Variants in MCTP1 observed in about 807,000 individuals in gnomAD.
The protein encoded by MCTP1 is multiple C2 and transmembrane domain-containing protein 1.
A neutral mutation model predicts 120.6 loss-of-function variants in MCTP1; 69 were observed. The observed-to-expected ratio is 0.57, with a 90% CI of 0.47 to 0.70. MCTP1 has a LOEUF of 0.70. Among genes scored for constraint, MCTP1 ranks in the 30% least tolerant of loss-of-function variants. MCTP1 has a pLI of 0.00. For synonymous variants in MCTP1, 529 were observed against 493.1 expected (o/e 1.07, Z -0.96); for missense variants, 1,203 against 1,248.8 (o/e 0.96, Z 0.55).
chr5:95,081,747 C>G, intron 1 of MCTP1: 1 of 1,203,722 alleles, frequency 8.3e-7, no homozygotes, highest in Non-Finnish European at 1.0e-6. Flanking sequence ...CATTGCAAAA[C>G]TGTTAGTACA....
At chr5:95,004,477 G>T (rs1424396719) in intron 2 of MCTP1, among the ~76,000 whole-genome samples, 1 of 152,194 alleles carries the variant, frequency 6.6e-6, no homozygotes, top group African/African-American at 2.4e-5. Flanking sequence ...CGTCTTTGTG[G>T]CAGCCCCTCC....
chr5:95,187,817 G>A (rs1749388435), intron 1 of MCTP1, among the ~76,000 whole-genome samples: 1 of 152,090 alleles, frequency 6.6e-6, no homozygotes, highest in African/African-American at 2.4e-5. Flanking sequence ...GCACAACAGG[G>A]TGACTATAGT....
chr5:95,248,574 C>T (rs191409966), intron 1 of MCTP1, among the ~76,000 whole-genome samples: 14 of 152,124 alleles, frequency 9.2e-5, no homozygotes, highest in South Asian at 8.3e-4. Context: ...GAATCAATAT[C>T]GTAAAAATGG....
At chr5:95,022,929 T>C (rs1163710402) in intron 1 of MCTP1, among the ~76,000 whole-genome samples, 2 of 152,130 alleles carry the variant, frequency 1.3e-5, no homozygotes, top group African/African-American at 2.4e-5. Flanking sequence ...TCAGGAGGCC[T>C]CATAAAGATA....
intron 17 of MCTP1, among the ~76,000 whole-genome samples, chr5:94,816,256 T>C (rs1391733494): frequency 3.3e-5 from 5 of 152,206 alleles, no homozygotes; most frequent in South Asian, 2.1e-4. Flanking sequence ...TATAAATTTA[T>C]ATCATGTGTA....
At chr5:95,218,604 T>C (rs1381197092) in intron 1 of MCTP1, among the ~76,000 whole-genome samples, 1 of 152,238 alleles carries the variant, frequency 6.6e-6, no homozygotes, top group South Asian at 2.1e-4. Flanking sequence ...AGACATGTTC[T>C]CAGGGACTGA....
At chr5:94,805,753 T>C (rs1482411494) in intron 17 of MCTP1, among the ~76,000 whole-genome samples, 2 of 150,690 alleles carry the variant, frequency 1.3e-5, no homozygotes, top group African/African-American at 4.9e-5. Context: ...ACCTTCCTTT[T>C]ACAAAGGAGG....
At chr5:95,094,391 T>A (rs1029336077) in intron 1 of MCTP1, among the ~76,000 whole-genome samples, 3 of 152,256 alleles carry the variant, frequency 2.0e-5, no homozygotes, top group Non-Finnish European at 4.4e-5. Flanking sequence ...ATTTATTGAA[T>A]AAATCAACTG....
intron 1 of MCTP1, among the ~76,000 whole-genome samples, chr5:95,207,327 A>T (rs1299330812): frequency 2.6e-5 from 4 of 152,168 alleles, no homozygotes; most frequent in African/African-American, 9.7e-5. Context: ...TGAGTGTTTG[A>T]TAACCTGCAA....
intron 12 of MCTP1, among the ~76,000 whole-genome samples, chr5:94,886,093 T>A (rs1801273744): frequency 6.6e-6 from 1 of 152,208 alleles, no homozygotes; most frequent in Non-Finnish European, 1.5e-5. Context: ...GGGGCTTAAC[T>A]GAAGTGACCT....
intron 1 of MCTP1, among the ~76,000 whole-genome samples, chr5:95,023,143 G>T (rs1397163250): frequency 6.6e-6 from 1 of 152,168 alleles, no homozygotes; most frequent in Non-Finnish European, 1.5e-5. Flanking sequence ...TGGGCAACAT[G>T]AAACCATCAC....
At chr5:95,046,017 A>T (rs569734752) in intron 1 of MCTP1, among the ~76,000 whole-genome samples, 1 of 152,290 alleles carries the variant, frequency 6.6e-6, no homozygotes, top group South Asian at 2.1e-4. Context: ...TTCATAATTG[A>T]AAGTGCTTAT....
chr5:94,757,876 GCAA>G (rs1467929241), intron 19 of MCTP1, among the ~76,000 whole-genome samples: 1 of 152,190 alleles, frequency 6.6e-6, no homozygotes, highest in Non-Finnish European at 1.5e-5. Flanking sequence ...TTAGAGTAAA[GCAA>G]CAACAACATG....
rs58379749 is a variant in MCTP1 at position 95,041,311 on chromosome 5, GAAAAAAA to G, written c.721-23834_721-23828del. Among the ~76,000 whole-genome samples, 298 of 89,808 alleles carry G rather than the reference GAAAAAAA, an allele frequency of 3.3e-3. 1 individual carries two copies. The highest frequency in any genetic ancestry group is 0.011 in the African/African-American group (280 of 24,398). 58.9% of individuals were successfully genotyped at this position (89,808 alleles called of 152,430 possible). The stretch of plus-strand genomic sequence containing the variant: ...GTCTAATGCCAAAAGCCCATGCTCT[GAAAAAAA>G]AAAAAAAAAAAAAGAAAAAACAAAA... On this transcript the variant is annotated intron_variant, in intron 1 of 22. Transcript: ENST00000515393.
At chr5:95,253,786 G>T (rs73776344) in intron 1 of MCTP1, among the ~76,000 whole-genome samples, 1 of 152,070 alleles carries the variant, frequency 6.6e-6, no homozygotes, top group Non-Finnish European at 1.5e-5. Flanking sequence ...TGGTGGGAAC[G>T]AGTGTGGGAG....
At chr5:94,932,138 G>A (rs141773530) in intron 5 of MCTP1, 147 bp from the exon 6 acceptor site, 56 of 383,276 alleles carry the variant, frequency 1.5e-4, no homozygotes, top group African/African-American at 1.2e-3. Context: ...TGTTTGCCAC[G>A]CACACACAAC....
At chr5:94,761,910 G>C (rs1771440631) in intron 19 of MCTP1, among the ~76,000 whole-genome samples, 1 of 152,158 alleles carries the variant, frequency 6.6e-6, no homozygotes, top group Admixed American at 6.5e-5. Context: ...ACTTGCTTTA[G>C]GATTTTCCCT....
chr5:95,110,408 T>G (rs139991187), intron 1 of MCTP1, among the ~76,000 whole-genome samples: 2 of 152,066 alleles, frequency 1.3e-5, no homozygotes, highest in East Asian at 3.9e-4. Flanking sequence ...CTATTCTGTC[T>G]CTCTCTTTCT....
chr5:95,048,834 C>A (rs1582025629), intron 1 of MCTP1, among the ~76,000 whole-genome samples: 2 of 152,238 alleles, frequency 1.3e-5, no homozygotes, highest in Admixed American at 6.5e-5. Context: ...GACAAAAGAT[C>A]AATGCCACCA....
Sources: gnomAD v4.1 joint callset for allele counts (sites outside exome capture counted in the v4.1 genomes callset) on GRCh38, gnomAD v4.1.1 for gene constraint, MANE v1.5 for transcripts, NCBI Gene and HGNC (gene_info 2026-07-23, HGNC 2026-07-21) for gene names.